The following KAZN variants were observed in gnomAD, a reference collection of about 807,000 sequenced individuals.
The protein encoded by KAZN is kazrin, periplakin interacting protein, also known as kazrin.
KAZN carries 40 observed loss-of-function variants against 87.4 expected under a neutral mutation model. The observed-to-expected ratio is 0.46, with a 90% confidence interval of 0.36 to 0.60. KAZN has a LOEUF of 0.60. KAZN is among the 20% of genes least tolerant of loss of function. The pLI, the probability that KAZN is intolerant of heterozygous loss-of-function variation, is 0.00. For synonymous variants in KAZN, 466 were observed against 458.3 expected, an observed-to-expected ratio of 1.02 and a Z score of -0.22; for missense variants, 898 against 1,073.9, an observed-to-expected ratio of 0.84 and a Z score of 2.29.
chr1:13,923,700 C>T (rs192528317), intron 1 of KAZN, among the ~76,000 whole-genome samples: 6 of 151,766 alleles, frequency 4.0e-5, no homozygotes, highest in East Asian at 3.9e-4. Flanking sequence ...GGGTTGGTCT[C>T]GCTGTCTTAG....
chr1:14,858,230 T>TTTTTTTTA (rs1650399528), intron 1 of KAZN, among the ~76,000 whole-genome samples: 1 of 128,258 alleles, frequency 7.8e-6, no homozygotes, highest in African/African-American at 2.9e-5. Context: ...TTTTTTTTTT[T>TTTTTTTTA]GAGACAAAGT....
At chr1:14,514,602 T>TAATATATGAA (rs1422810831) in intron 2 of KAZN, among the ~76,000 whole-genome samples, 3 of 21,986 alleles carry the variant, frequency 1.4e-4, no homozygotes, top group African/African-American at 4.0e-4. Context: ...ATTTTATATA[T>TAATATATGAA]ATATATATAT....
intron 2 of KAZN, among the ~76,000 whole-genome samples, chr1:14,314,930 C>T (rs191791086): frequency 6.8e-4 from 103 of 152,124 alleles, no homozygotes; most frequent in African/African-American, 2.2e-3. Flanking sequence ...TCATGTGGTA[C>T]GTGGCCTTTT....
chr1:14,380,215 AT>A (rs1487676532), intron 2 of KAZN, among the ~76,000 whole-genome samples: 1 of 152,240 alleles, frequency 6.6e-6, no homozygotes, highest in Admixed American at 6.5e-5. Context: ...CACTCAAGTC[AT>A]TTTGAAAACC....
At chr1:14,071,271 T>C (rs1643236626) in intron 1 of KAZN, among the ~76,000 whole-genome samples, 1 of 152,266 alleles carries the variant, frequency 6.6e-6, no homozygotes, top group South Asian at 2.1e-4. Context: ...GTAGGTCTCA[T>C]CTATGTTTCT....
chr1:15,030,162 G>A (rs937365070), intron 2 of KAZN, among the ~76,000 whole-genome samples: 1 of 152,190 alleles, frequency 6.6e-6, no homozygotes, highest in African/African-American at 2.4e-5. Flanking sequence ...GATCCCATGC[G>A]CATGTGCAAA....
Position 14,917,849 on chromosome 1 carries a change from T to TCTTCCTTCCTTC in KAZN, c.227-42823_227-42812dup, listed in dbSNP as rs139509752. Reference sequence around the variant, plus strand: ...TGAGATCTAAATGTACTTCTTTCTTTCTTCCTTCCTTCCTTCCTTCCTTTC... The same window carrying TCTTCCTTCCTTC: ...TGAGATCTAAATGTACTTCTTTCTTTCTTCCTTCCTTCCTTCCTTCCTTCCTTCCTTCCTTTC... On this transcript the variant is annotated intron_variant, in intron 1 of 14. Transcript: ENST00000376030. Among the ~76,000 whole-genome samples the TCTTCCTTCCTTC allele has an allele frequency of 9.2e-3, 1,371 of 148,780 alleles. 11 individuals carry two copies. Among genetic ancestry groups the TCTTCCTTCCTTC allele is most frequent in the Non-Finnish European group, 0.013 (893 of 67,300 alleles).
At chr1:14,117,036 T>C (rs772750436) in intron 1 of KAZN, among the ~76,000 whole-genome samples, 8 of 152,222 alleles carry the variant, frequency 5.3e-5, no homozygotes, top group Non-Finnish European at 1.2e-4. Flanking sequence ...ACTAACTTGC[T>C]TTTGATTTTA....
At chr1:14,411,533 T>A (rs527381782) in intron 2 of KAZN, among the ~76,000 whole-genome samples, 1 of 152,340 alleles carries the variant, frequency 6.6e-6, no homozygotes, top group South Asian at 2.1e-4. Flanking sequence ...TTACCTCAAA[T>A]GATCTGCCTG....
At chr1:14,716,747 G>C (rs1642818192) in intron 1 of KAZN, among the ~76,000 whole-genome samples, 1 of 152,080 alleles carries the variant, frequency 6.6e-6, no homozygotes, top group Non-Finnish European at 1.5e-5. Context: ...CTCCCCTCTA[G>C]GGCCCTGCTC....
intron 13 of KAZN, among the ~76,000 whole-genome samples, chr1:15,110,571 C>T (rs1470113303): frequency 4.4e-5 from 2 of 45,242 alleles, no homozygotes; most frequent in Non-Finnish European, 9.5e-5. Flanking sequence ...GTGTGTGTAT[C>T]CTCTCATTTA....
intron 1 of KAZN, among the ~76,000 whole-genome samples, chr1:14,919,913 C>G (rs1658312069): frequency 6.6e-6 from 1 of 152,118 alleles, no homozygotes; most frequent in South Asian, 2.1e-4. Flanking sequence ...TGTGTAGTAG[C>G]TATCTCGTGT....
At chr1:14,616,953 G>T (rs1678299871) in intron 1 of KAZN, among the ~76,000 whole-genome samples, 1 of 152,230 alleles carries the variant, frequency 6.6e-6, no homozygotes, top group African/African-American at 2.4e-5. Flanking sequence ...AAGTCCAGGG[G>T]ATGGCATGGC....
chr1:14,035,998 A>C (rs1324310633), intron 1 of KAZN, among the ~76,000 whole-genome samples: 1 of 152,222 alleles, frequency 6.6e-6, no homozygotes, highest in Non-Finnish European at 1.5e-5. Context: ...TTAGGAAATG[A>C]GAGAGTCTGA....
At chr1:15,030,656 G>A (rs1409734673) in intron 2 of KAZN, among the ~76,000 whole-genome samples, 2 of 152,228 alleles carry the variant, frequency 1.3e-5, no homozygotes, top group African/African-American at 2.4e-5. Flanking sequence ...GCCTAGCTGT[G>A]CCGGGGCCTC....
chr1:14,257,457 A>T (rs1055826342), intron 2 of KAZN, among the ~76,000 whole-genome samples: 24 of 147,134 alleles, frequency 1.6e-4, no homozygotes, highest in African/African-American at 6.1e-4. Flanking sequence ...TTTGCTGTGC[A>T]GAAGCTCTTT....
chr1:14,942,664 G>A (rs923087532), intron 1 of KAZN, among the ~76,000 whole-genome samples: 2 of 152,204 alleles, frequency 1.3e-5, no homozygotes, highest in African/African-American at 2.4e-5. Context: ...TAGTCCTAGG[G>A]GGTCTTTGGC....
chr1:14,437,034 T>C (rs1223822014), intron 2 of KAZN, among the ~76,000 whole-genome samples: 1 of 152,194 alleles, frequency 6.6e-6, no homozygotes, highest in Non-Finnish European at 1.5e-5. Flanking sequence ...AGACCTTTTG[T>C]CCTCCAGAGG....
At chr1:14,445,346 G>A (rs1225622260) in intron 2 of KAZN, among the ~76,000 whole-genome samples, 2 of 152,120 alleles carry the variant, frequency 1.3e-5, no homozygotes, top group Non-Finnish European at 2.9e-5. Context: ...CTTTTAAGAG[G>A]AGAAAATGTG....
Sources: gnomAD v4.1 joint callset for allele counts (sites outside exome capture counted in the v4.1 genomes callset) on GRCh38, gnomAD v4.1.1 for gene constraint, MANE v1.5 for transcripts, NCBI Gene and HGNC (gene_info 2026-07-23, HGNC 2026-07-21) for gene names.